The following IL1RAPL2 variants were observed in gnomAD, a reference collection of about 807,000 sequenced individuals.
IL1RAPL2 encodes interleukin 1 receptor accessory protein like 2.
A neutral mutation model predicts 44.1 loss-of-function variants in IL1RAPL2; 3 were observed. That is an observed-to-expected ratio of 0.07 (90% CI 0.03 to 0.18). The LOEUF (loss-of-function observed/expected upper bound fraction) is 0.18. IL1RAPL2 is among the 10% of genes least tolerant of loss of function. IL1RAPL2 has a pLI of 1.00. For missense variants in IL1RAPL2, 391 were observed against 496.4 expected (o/e 0.79, Z 2.02); for synonymous variants, 181 against 178.8 (o/e 1.01, Z -0.10).
chrX:104,984,925 G>A (rs2030531814), intron 2 of IL1RAPL2, among the ~76,000 whole-genome samples: 1 of 111,093 alleles, frequency 9.0e-6, no homozygotes, highest in Non-Finnish European at 1.9e-5. Flanking sequence ...AAGAGAACAT[G>A]GATGAAAACT....
intron 2 of IL1RAPL2, among the ~76,000 whole-genome samples, chrX:105,061,800 C>G (rs2032078211): frequency 8.9e-6 from 1 of 111,936 alleles, no homozygotes; most frequent in Non-Finnish European, 1.9e-5. Context: ...AGTGACCTGT[C>G]TCTTCTTACA....
intron 2 of IL1RAPL2, among the ~76,000 whole-genome samples, chrX:104,950,344 G>A (rs941751265): frequency 8.9e-6 from 1 of 112,325 alleles, no homozygotes; most frequent in Non-Finnish European, 1.9e-5. Context: ...CCAGCTGCGT[G>A]CTGGGAGAAC....
chrX:105,513,845 G>T (rs375926878), intron 6 of IL1RAPL2, among the ~76,000 whole-genome samples: 1 of 110,727 alleles, frequency 9.0e-6, no homozygotes, highest in African/African-American at 3.3e-5. Context: ...ATATTTGCCC[G>T]TGCCTATGTC....
intron 5 of IL1RAPL2, among the ~76,000 whole-genome samples, chrX:105,280,662 A>G (rs1211357025): frequency 8.9e-6 from 1 of 112,497 alleles, no homozygotes; most frequent in Non-Finnish European, 1.9e-5. Flanking sequence ...CAGCCAACAG[A>G]CATATGAAGA....
intron 2 of IL1RAPL2, among the ~76,000 whole-genome samples, chrX:105,007,769 T>G (rs1387008656): frequency 8.9e-6 from 1 of 112,468 alleles, no homozygotes; most frequent in Non-Finnish European, 1.9e-5. Context: ...GGCAATTCTG[T>G]AAGAGTCACT....
chrX:104,847,288 T>C (rs1362909139), intron 2 of IL1RAPL2, among the ~76,000 whole-genome samples: 1 of 112,045 alleles, frequency 8.9e-6, no homozygotes, highest in Non-Finnish European at 1.9e-5. Context: ...TCCTGAATGG[T>C]AATGCCTAGG....
At chrX:105,628,869 G>A (rs1030248877) in intron 6 of IL1RAPL2, among the ~76,000 whole-genome samples, 3 of 110,707 alleles carry the variant, frequency 2.7e-5, no homozygotes, top group Admixed American at 9.6e-5. Context: ...CTTGTACCCA[G>A]GAGGCAAAGG....
chrX:105,489,653 CCTTCCTTT>C (rs1361850336), intron 6 of IL1RAPL2, among the ~76,000 whole-genome samples: 3 of 109,260 alleles, frequency 2.7e-5, no homozygotes, highest in Admixed American at 2.0e-4. Context: ...TCTTTTCCTT[CCTTCCTTT>C]CTTTCTTTCT....
intron 2 of IL1RAPL2, among the ~76,000 whole-genome samples, chrX:105,078,679 A>C (rs2032351304): frequency 9.0e-6 from 1 of 111,282 alleles, no homozygotes; most frequent in South Asian, 3.8e-4. Flanking sequence ...GGTGGGCTCC[A>C]CCCAGTTCGA....
At chrX:104,874,275 T>A (rs1452029803) in intron 2 of IL1RAPL2, among the ~76,000 whole-genome samples, 1 of 96,802 alleles carries the variant, frequency 1.0e-5, no homozygotes, top group East Asian at 3.5e-4. Context: ...TAACTGTCTG[T>A]ATTCCTCTCT....
intron 1 of IL1RAPL2, among the ~76,000 whole-genome samples, chrX:104,577,605 A>G (rs1477790620): frequency 8.9e-6 from 1 of 111,814 alleles, no homozygotes; most frequent in Non-Finnish European, 1.9e-5. Context: ...GGAAGAAAGT[A>G]CAAGGGTGGT....
rs748714831 is a variant in IL1RAPL2 at position 105,077,679 on chromosome X, A to G, written c.83-117796A>G. 2.2e-4 allele frequency among the ~76,000 whole-genome samples: 25 copies of G among 111,813 alleles called. 1 individual carries two copies. The South Asian group carries it at 9.2e-3, about 41-fold the overall frequency. ...CATTCTCTCTGTCACTTTCAGGTAC[A>G]CCAATTAGACATAGATTTGGTCGTT... is the stretch of plus-strand genomic sequence containing the variant. On this transcript the variant is annotated intron_variant, in intron 2 of 10. Transcript: ENST00000372582.
chrX:104,906,737 T>G (rs967394590), intron 2 of IL1RAPL2, among the ~76,000 whole-genome samples: 12 of 112,014 alleles, frequency 1.1e-4, no homozygotes, highest in Non-Finnish European at 1.5e-4. Flanking sequence ...TTTGCATCAA[T>G]GTTCATCAAG....
chrX:104,975,562 G>A (rs780526768), intron 2 of IL1RAPL2, among the ~76,000 whole-genome samples: 1 of 112,629 alleles, frequency 8.9e-6, no homozygotes, highest in Non-Finnish European at 1.9e-5. Context: ...AAAGAACATG[G>A]TAAACTTAAC....
intron 2 of IL1RAPL2, among the ~76,000 whole-genome samples, chrX:105,124,857 G>T (rs1186540570): frequency 9.0e-6 from 1 of 110,940 alleles, no homozygotes; most frequent in Non-Finnish European, 1.9e-5. Context: ...ACAGTGACAA[G>T]TGTATAAAAT....
intron 2 of IL1RAPL2, among the ~76,000 whole-genome samples, chrX:104,899,017 A>T (rs756615354): frequency 8.9e-6 from 1 of 112,252 alleles, no homozygotes; most frequent in Admixed American, 9.5e-5. Context: ...TGAATTAAAC[A>T]GATTAAGTCG....
chrX:105,053,488 CCA>C (rs1214276603), intron 2 of IL1RAPL2, among the ~76,000 whole-genome samples: 2 of 111,134 alleles, frequency 1.8e-5, no homozygotes, highest in African/African-American at 6.6e-5. Flanking sequence ...AAACTGCAGC[CCA>C]CAGAGATTAC....
chrX:105,329,833 T>C (rs1457037737), intron 5 of IL1RAPL2, among the ~76,000 whole-genome samples: 1 of 112,114 alleles, frequency 8.9e-6, no homozygotes, highest in African/African-American at 3.2e-5. Context: ...GTAAATATTA[T>C]ACATAATGAA....
chrX:104,689,817 G>C (rs989946796), intron 2 of IL1RAPL2, among the ~76,000 whole-genome samples: 2 of 111,853 alleles, frequency 1.8e-5, no homozygotes, highest in African/African-American at 6.5e-5. Flanking sequence ...GGAGGCTAAA[G>C]CTCATTAGTA....
Sources: gnomAD v4.1 joint callset for allele counts (sites outside exome capture counted in the v4.1 genomes callset) on GRCh38, gnomAD v4.1.1 for gene constraint, MANE v1.5 for transcripts, NCBI Gene and HGNC (gene_info 2026-07-23, HGNC 2026-07-21) for gene names.